UNC5D: variants seen among roughly 807,000 people sequenced by gnomAD.
UNC5D encodes unc-5 netrin receptor D, also known as netrin receptor UNC5D.
UNC5D carries 39 observed loss-of-function variants against 105.4 expected under a neutral mutation model. The observed-to-expected ratio is 0.37, with a 90% CI of 0.29 to 0.48. The LOEUF is 0.48. Among genes scored for constraint, UNC5D ranks in the 20% least tolerant of loss-of-function variants. The probability of loss-of-function intolerance (pLI) is 0.98; values close to 1 mark genes in which losing one functional copy is unlikely to be tolerated. For synonymous variants in UNC5D, 452 were observed against 450.4 expected (o/e 1.00, Z -0.04); for missense variants, 991 against 1,202.4 (o/e 0.82, Z 2.60).
chr8:35,426,868 A>G (rs12679477), intron 1 of UNC5D, among the ~76,000 whole-genome samples: 79,675 of 151,800 alleles, frequency 0.52, 21,621 homozygotes, highest in African/African-American at 0.67. Flanking sequence ...ACTCTAGGGT[A>G]GTCACCCAGT....
intron 1 of UNC5D, among the ~76,000 whole-genome samples, chr8:35,522,512 T>C (rs866514031): frequency 6.6e-6 from 1 of 152,210 alleles, no homozygotes; most frequent in Non-Finnish European, 1.5e-5. Flanking sequence ...TGAACTGTTT[T>C]TGCAAAGAGA....
chr8:35,473,725 G>C (rs994184204), intron 1 of UNC5D, among the ~76,000 whole-genome samples: 4 of 152,046 alleles, frequency 2.6e-5, no homozygotes, highest in African/African-American at 9.7e-5. Context: ...TAACATATGT[G>C]GACACAATTA....
chr8:35,759,547 G>C, intron 14 of UNC5D, 78 bp downstream of exon 14: 1 of 1,515,218 alleles, frequency 6.6e-7, no homozygotes, highest in Middle Eastern at 1.8e-4. Flanking sequence ...GCAAGGGTCT[G>C]CTTGATTTTC....
intron 10 of UNC5D, 46 bp from the exon 11 acceptor site, chr8:35,730,966 T>A (rs985615688): frequency 1.9e-6 from 3 of 1,587,600 alleles, no homozygotes; most frequent in Non-Finnish European, 2.6e-6. Context: ...AACTTCATGA[T>A]AATTGGAAAA....
intron 1 of UNC5D, among the ~76,000 whole-genome samples, chr8:35,485,407 A>G (rs973750462): frequency 6.6e-6 from 1 of 152,224 alleles, no homozygotes; most frequent in Non-Finnish European, 1.5e-5. Flanking sequence ...AATGTTAGGA[A>G]GAATCCTGGC....
chr8:35,348,539 C>G (rs1233745226), intron 1 of UNC5D, among the ~76,000 whole-genome samples: 1 of 104,256 alleles, frequency 9.6e-6, no homozygotes, highest in Non-Finnish European at 1.9e-5. Flanking sequence ...TAGAATACAC[C>G]AAGTTCTCAT....
At chr8:35,544,549 A>G in intron 1 of UNC5D, 1 of 1,613,542 alleles carries the variant, frequency 6.2e-7, no homozygotes, top group Non-Finnish European at 8.5e-7. Context: ...AGGCAGGAAC[A>G]AACAGGAAAA....
At chr8:35,459,947 C>T (rs1808772782) in intron 1 of UNC5D, among the ~76,000 whole-genome samples, 2 of 152,106 alleles carry the variant, frequency 1.3e-5, no homozygotes, top group Admixed American at 1.3e-4. Flanking sequence ...TGTAACTAAA[C>T]TGGAGGGGTC....
intron 1 of UNC5D, among the ~76,000 whole-genome samples, chr8:35,508,416 CTGGGAGTTTCCTA>C (rs1233713996): frequency 6.6e-6 from 1 of 152,186 alleles, no homozygotes; most frequent in Non-Finnish European, 1.5e-5. Flanking sequence ...TGAGAGATCA[CTGGGAGTTTCCTA>C]AGAAGAAAGA....
intron 8 of UNC5D, among the ~76,000 whole-genome samples, chr8:35,708,211 A>G (rs929911527): frequency 6.6e-6 from 1 of 152,210 alleles, no homozygotes; most frequent in African/African-American, 2.4e-5. Context: ...ATGAGCAGGC[A>G]GGCAGAGGCA....
intron 4 of UNC5D, among the ~76,000 whole-genome samples, chr8:35,675,433 CAAGT>C (rs1007143047): frequency 4.1e-4 from 63 of 152,028 alleles, no homozygotes; most frequent in African/African-American, 1.4e-3. Flanking sequence ...AGCTTGCCGA[CAAGT>C]AGAGCAGAAA....
intron 1 of UNC5D, among the ~76,000 whole-genome samples, chr8:35,428,502 C>A (rs867189597): frequency 6.6e-6 from 1 of 151,788 alleles, no homozygotes; most frequent in East Asian, 2.0e-4. Flanking sequence ...TACTTTCTTG[C>A]AGAATAAATG....
At chr8:35,613,482 T>C (rs1386618004) in intron 4 of UNC5D, among the ~76,000 whole-genome samples, 1 of 152,252 alleles carries the variant, frequency 6.6e-6, no homozygotes, top group African/African-American at 2.4e-5. Flanking sequence ...TTTGGCCCAC[T>C]TGGAGGTTCT....
chr8:35,444,609 T>C (rs988126060), intron 1 of UNC5D, among the ~76,000 whole-genome samples: 1 of 152,012 alleles, frequency 6.6e-6, no homozygotes, highest in East Asian at 1.9e-4. Context: ...AAAACACTCA[T>C]GCCTTCATTA....
In UNC5D at chr8:35,444,829, T is replaced by C. The variant is rs186099432; in HGVS notation, c.104-104463T>C. On this transcript the variant is annotated intron_variant, in intron 1 of 16. Coordinates refer to ENST00000404895, the MANE Select transcript of UNC5D (RefSeq NM_080872.4). ...ACAAACCTCATAGGAATTATCCTTG[T>C]CAATAAAGGAGAATAACAAATTTTA... 2.6e-3 allele frequency among the ~76,000 whole-genome samples: 391 copies of C among 152,176 alleles called. 1 individual carries two copies. The highest frequency in any genetic ancestry group is 4.3e-3 in the Non-Finnish European group (292 of 67,978).
intron 1 of UNC5D, among the ~76,000 whole-genome samples, chr8:35,418,173 G>A (rs1290610789): frequency 6.6e-6 from 1 of 151,418 alleles, no homozygotes; most frequent in African/African-American, 2.4e-5. Context: ...GTTCCTTTTT[G>A]TCTCTTACTG....
At chr8:35,334,509 CTT>C (rs1235774361) in intron 1 of UNC5D, among the ~76,000 whole-genome samples, 1 of 137,940 alleles carries the variant, frequency 7.2e-6, no homozygotes, top group African/African-American at 2.8e-5. Context: ...ATACAATAAA[CTT>C]TTATTTATTT....
intron 4 of UNC5D, among the ~76,000 whole-genome samples, chr8:35,618,268 G>A (rs186255169): frequency 1.4e-4 from 21 of 152,260 alleles, no homozygotes; most frequent in South Asian, 2.1e-4. Flanking sequence ...TGGAGATGCC[G>A]TAGTTACAGT....
chr8:35,522,552 A>C (rs1484654015), intron 1 of UNC5D, among the ~76,000 whole-genome samples: 1 of 152,204 alleles, frequency 6.6e-6, no homozygotes, highest in Non-Finnish European at 1.5e-5. Context: ...AAAATCATTT[A>C]AGGCAACTTT....
Sources: allele counts gnomAD v4.1 joint callset (sites outside exome capture counted in the v4.1 genomes callset), GRCh38; gene constraint gnomAD v4.1.1; transcripts MANE v1.5; gene names NCBI Gene and HGNC (gene_info 2026-07-23, HGNC 2026-07-21).